MYOM1: variants seen among roughly 807,000 people sequenced by gnomAD.
MYOM1 encodes myomesin 1.
MYOM1 carries 164 observed loss-of-function variants against 205.3 expected under a neutral mutation model. That is an observed-to-expected ratio of 0.80 (90% CI 0.70 to 0.91). The LOEUF (loss-of-function observed/expected upper bound fraction) is 0.91, where lower values mean the gene tolerates loss of function less well. MYOM1 is among the 40% of genes least tolerant of loss of function. The pLI is 0.00. For synonymous variants in MYOM1, 772 were observed against 789.4 expected, an observed-to-expected ratio of 0.98 and a Z score of 0.37; for missense variants, 2,011 against 2,127.3, an observed-to-expected ratio of 0.95 and a Z score of 1.08.
At chr18:3,183,277 G>A (rs2080765413) in intron 5 of MYOM1, among the ~76,000 whole-genome samples, 1 of 152,210 alleles carries the variant, frequency 6.6e-6, no homozygotes, top group African/African-American at 2.4e-5. Context: ...GCTCCCTGCT[G>A]CTGTCAGAGC....
intron 13 of MYOM1, among the ~76,000 whole-genome samples, chr18:3,143,814 T>C (rs1243007984): frequency 6.8e-6 from 1 of 147,888 alleles, no homozygotes; most frequent in Non-Finnish European, 1.5e-5. Context: ...GGTGAGAGAA[T>C]TGCTTGAGCC....
At chr18:3,120,591 G>A (rs936549172) in intron 19 of MYOM1, among the ~76,000 whole-genome samples, 4 of 152,106 alleles carry the variant, frequency 2.6e-5, no homozygotes, top group Non-Finnish European at 4.4e-5. Flanking sequence ...CTGAACAGAC[G>A]ACCCTGCAAC....
intron 21 of MYOM1, among the ~76,000 whole-genome samples, chr18:3,114,679 T>A (rs1419059008): frequency 6.6e-6 from 1 of 151,760 alleles, no homozygotes; most frequent in Non-Finnish European, 1.5e-5. Context: ...TCACCGTGCC[T>A]GGCCTACTTT....
intron 2 of MYOM1, among the ~76,000 whole-genome samples, chr18:3,210,287 T>G (rs777642545): frequency 6.6e-6 from 1 of 152,214 alleles, no homozygotes; most frequent in Non-Finnish European, 1.5e-5. Context: ...ATTGGTATCT[T>G]TTGTCTGAAT....
chr18:3,187,333 G>T, intron 5 of MYOM1, 147 bp downstream of exon 5: 2 of 809,278 alleles, frequency 2.5e-6, no homozygotes, highest in Non-Finnish European at 3.8e-6. Context: ...TCATCTCAAT[G>T]CCTACCCTTC....
At chr18:3,164,900 A>G (rs1415944550) in intron 9 of MYOM1, among the ~76,000 whole-genome samples, 1 of 152,190 alleles carries the variant, frequency 6.6e-6, no homozygotes, top group African/African-American at 2.4e-5. Context: ...TTTTCTGCAA[A>G]TTCATTTATT....
intron 25 of MYOM1, among the ~76,000 whole-genome samples, chr18:3,098,083 G>C (rs2079328295): frequency 6.6e-6 from 1 of 152,108 alleles, no homozygotes; most frequent in Admixed American, 6.5e-5. Context: ...AGGTGCTGCT[G>C]TTTCTCCCCA....
intron 17 of MYOM1, among the ~76,000 whole-genome samples, chr18:3,130,879 T>C (rs547593865): frequency 6.0e-5 from 9 of 149,242 alleles, no homozygotes; most frequent in Admixed American, 6.0e-4. Flanking sequence ...GTTGGTTACT[T>C]TGCAAGCAAA....
chr18:3,194,055 CA>C, intron 2 of MYOM1, 97 bp from the exon 3 acceptor site: 1 of 1,258,610 alleles, frequency 7.9e-7, no homozygotes. Flanking sequence ...GAAATTTTAC[CA>C]AATCCTAGAT....
intron 25 of MYOM1, among the ~76,000 whole-genome samples, chr18:3,097,489 T>C (rs924127924): frequency 6.6e-6 from 1 of 152,188 alleles, no homozygotes; most frequent in Non-Finnish European, 1.5e-5. Flanking sequence ...AGTGGCATGA[T>C]CACGGCTCAC....
At chr18:3,136,086 T>G (rs1462229903) in intron 14 of MYOM1, among the ~76,000 whole-genome samples, 1 of 150,580 alleles carries the variant, frequency 6.6e-6, no homozygotes, top group Non-Finnish European at 1.5e-5. Context: ...GAGCTGATGG[T>G]TTTATAAGGA....
intron 12 of MYOM1, 140 bp downstream of exon 12, chr18:3,151,554 C>CG: frequency 1.7e-6 from 1 of 599,530 alleles, no homozygotes; most frequent in Non-Finnish European, 2.6e-6. Flanking sequence ...TTCTCCCCCT[C>CG]GGATTTTCTG....
At chr18:3,123,827 A>ATTTTTTTTT (rs5822739) in intron 19 of MYOM1, among the ~76,000 whole-genome samples, 1 of 147,384 alleles carries the variant, frequency 6.8e-6, no homozygotes, top group African/African-American at 2.6e-5. Context: ...ATTTTTATTT[A>ATTTTTTTTT]TTTATTTTTT....
At chr18:3,070,777 C>CGT (rs1219775131) in intron 37 of MYOM1, among the ~76,000 whole-genome samples, 2 of 127,594 alleles carry the variant, frequency 1.6e-5, no homozygotes, top group Admixed American at 1.7e-4. Flanking sequence ...TGTGTGTGCA[C>CGT]GTGTGTGTGT....
At chr18:3,221,067 C>A (rs2081324863), upstream of MYOM1, among the ~76,000 whole-genome samples, 1 of 152,222 alleles carries the variant, frequency 6.6e-6, no homozygotes, top group Non-Finnish European at 1.5e-5. Flanking sequence ...GTTGCCCAGG[C>A]TGGAGTGCAG....
intron 22 of MYOM1, among the ~76,000 whole-genome samples, chr18:3,104,597 T>C (rs2079425506): frequency 1.3e-5 from 2 of 152,176 alleles, no homozygotes. Flanking sequence ...ATTCTCTAAA[T>C]GCTGTAGATA....
intron 23 of MYOM1, 58 bp downstream of exon 23, chr18:3,102,416 C>T: frequency 1.4e-6 from 2 of 1,479,504 alleles, no homozygotes; most frequent in South Asian, 1.4e-5. Flanking sequence ...AATCAGAGCT[C>T]ACCTCATTCT....
chr18:3,127,529 G>A (rs1003746122), intron 18 of MYOM1, among the ~76,000 whole-genome samples: 3 of 151,428 alleles, frequency 2.0e-5, no homozygotes, highest in Admixed American at 6.6e-5. Context: ...GGCTGGTCTC[G>A]AACTCCTGAC....
intron 18 of MYOM1, among the ~76,000 whole-genome samples, chr18:3,127,289 A>ATC (rs2079801575): frequency 2.4e-5 from 1 of 40,880 alleles, no homozygotes; most frequent in Non-Finnish European, 4.8e-5. Flanking sequence ...TTCCATATAT[A>ATC]TATATATATA....
Sources: allele counts gnomAD v4.1 joint callset (sites outside exome capture counted in the v4.1 genomes callset), GRCh38; gene constraint gnomAD v4.1.1; transcripts MANE v1.5; gene names NCBI Gene and HGNC (gene_info 2026-07-23, HGNC 2026-07-21).